The following SORCS3 variants were observed in gnomAD, a reference collection of about 807,000 sequenced individuals.
SORCS3 encodes the protein sortilin related VPS10 domain containing receptor 3, also known as VPS10 domain-containing receptor SorCS3.
SORCS3 carries 57 observed loss-of-function variants against 146.3 expected under a neutral mutation model. The ratio of observed to expected loss-of-function variants is 0.39; its 90% CI spans 0.31 to 0.49. The LOEUF is 0.49. Ranked by LOEUF, SORCS3 falls within the 20% of genes least tolerant of loss-of-function variation. The pLI, the probability that SORCS3 is intolerant of heterozygous loss-of-function variation, is 0.92. For synonymous variants in SORCS3, 653 were observed against 618.5 expected (o/e 1.06, Z -0.83); for missense variants, 1,341 against 1,575.5 (o/e 0.85, Z 2.52).
chr10:104,816,919 A>G (rs548228208), intron 1 of SORCS3, among the ~76,000 whole-genome samples: 1 of 152,282 alleles, frequency 6.6e-6, no homozygotes, highest in South Asian at 2.1e-4. Context: ...AACAGGGAAT[A>G]CAGCTGCTAG....
chr10:105,183,865 G>A lies in SORCS3; in HGVS notation c.2009+5692G>A, dbSNP rs147670782. 5.6e-4 allele frequency among the ~76,000 whole-genome samples: 85 copies of A among 152,286 alleles called. 1 individual carries two copies. The highest frequency in any genetic ancestry group is 2.0e-3 in the African/African-American group (85 of 41,558). On this transcript the variant is annotated intron_variant, in intron 14 of 26. Transcript: ENST00000369701. ...ATTTTGATCAATGGATTGCTGTGTGGGCTCAGGGGGAGGGATGGTGTGGTG... is the reference window on the plus strand; with the variant it reads ...ATTTTGATCAATGGATTGCTGTGTGAGCTCAGGGGGAGGGATGGTGTGGTG...
chr10:104,736,731 G>C (rs2016777607), intron 1 of SORCS3, among the ~76,000 whole-genome samples: 1 of 150,648 alleles, frequency 6.6e-6, no homozygotes, highest in East Asian at 1.9e-4. Context: ...TTCAATCTCA[G>C]AGTCTTTCTT....
chr10:104,888,552 C>CTT (rs112305091), intron 2 of SORCS3, among the ~76,000 whole-genome samples: 2 of 151,842 alleles, frequency 1.3e-5, no homozygotes, highest in Non-Finnish European at 1.5e-5. Context: ...CAGTACTCAC[C>CTT]TTTTTTTTCT....
intron 1 of SORCS3, among the ~76,000 whole-genome samples, chr10:104,664,187 G>A (rs537721623): frequency 1.1e-3 from 165 of 152,288 alleles, no homozygotes; most frequent in Non-Finnish European, 1.8e-3. Flanking sequence ...GCTTGACTAG[G>A]CAGCAGTTCC....
At chr10:104,751,290 A>G (rs1589484929) in intron 1 of SORCS3, among the ~76,000 whole-genome samples, 1 of 152,134 alleles carries the variant, frequency 6.6e-6, no homozygotes, top group South Asian at 2.1e-4. Flanking sequence ...CTCTTATGGG[A>G]GATTAAAAAT....
intron 1 of SORCS3, among the ~76,000 whole-genome samples, chr10:104,779,491 G>A (rs1485312659): frequency 1.3e-5 from 2 of 152,146 alleles, no homozygotes; most frequent in Non-Finnish European, 2.9e-5. Flanking sequence ...AGAAAATGTT[G>A]AGAGTAAGAA....
intron 14 of SORCS3, among the ~76,000 whole-genome samples, chr10:105,186,311 G>A (rs2056476003): frequency 6.6e-6 from 1 of 152,170 alleles, no homozygotes; most frequent in Admixed American, 6.5e-5. Context: ...TAAGATTGAG[G>A]AGGCTTGCAA....
chr10:104,972,597 A>G (rs968111506), intron 3 of SORCS3, among the ~76,000 whole-genome samples: 7 of 152,100 alleles, frequency 4.6e-5, no homozygotes, highest in African/African-American at 1.7e-4. Context: ...TGCTGTGATT[A>G]ACAGTGGCAT....
intron 1 of SORCS3, among the ~76,000 whole-genome samples, chr10:104,715,757 C>T (rs755333001): frequency 1.9e-4 from 29 of 152,196 alleles, no homozygotes; most frequent in Non-Finnish European, 4.0e-4. Context: ...ATCACCTCCA[C>T]TGGTAAAACC....
chr10:105,017,365 G>C (rs2133685894), intron 4 of SORCS3, among the ~76,000 whole-genome samples: 1 of 152,200 alleles, frequency 6.6e-6, no homozygotes, highest in South Asian at 2.1e-4. Context: ...ACTTCCAACT[G>C]GTGCTGACAA....
chr10:105,152,027 T>C (rs535951167), intron 9 of SORCS3, among the ~76,000 whole-genome samples: 2 of 152,198 alleles, frequency 1.3e-5, no homozygotes, highest in Non-Finnish European at 2.9e-5. Context: ...TATTGCAGTG[T>C]CTTCACATCC....
chr10:104,795,065 C>G lies in SORCS3; in HGVS notation c.628-47727C>G, dbSNP rs1487410478. Among the ~76,000 whole-genome samples the G allele has an allele frequency of 2.0e-5, 3 of 152,270 alleles. No individual in the cohort carries two copies. The East Asian group carries it at 5.8e-4, about 29-fold the overall frequency. On this transcript the variant is annotated intron_variant, in intron 1 of 26. Coordinates refer to ENST00000369701, the MANE Select transcript of SORCS3 (RefSeq NM_014978.3). ...CACTTGACAATACTGAAATGACATT[C>G]AAAGACAATGTAACTTTCCTACACA...
At position 104,977,423 on chromosome 10, in the gene SORCS3, T is replaced by C; in HGVS notation, c.884T>C (p.Phe295Ser). The C allele has an allele frequency of 6.2e-7, 1 of 1,613,850 alleles. No homozygotes were observed. The highest frequency in any genetic ancestry group is 8.5e-7 in the Non-Finnish European group (1 of 1,179,888). ...ACCTATCAGAAGTATCGGCTCACCTTCTATATCCAGAGCCTGCTCTTTCAT... is the reference window on the plus strand; with the variant it reads ...ACCTATCAGAAGTATCGGCTCACCTCCTATATCCAGAGCCTGCTCTTTCAT... ...GATYQKYRLTFYIQSLLFHPK... is the reference protein window; with the variant it reads ...GATYQKYRLTSYIQSLLFHPK... The change falls in exon 4 of 27, where the codon TTC (phenylalanine) becomes TCC (serine). Residue 295 changes from phenylalanine (F) to serine (S), a missense_variant. Phe to Ser is a radical substitution (Grantham distance 155). Coordinates refer to ENST00000369701, the MANE Select transcript of SORCS3 (RefSeq NM_014978.3).
At chr10:104,757,702 T>C (rs2017070197) in intron 1 of SORCS3, among the ~76,000 whole-genome samples, 1 of 152,132 alleles carries the variant, frequency 6.6e-6, no homozygotes. Context: ...TTCTCTTCAT[T>C]TTTTTCTCCT....
At chr10:104,690,327 C>T (rs998389433) in intron 1 of SORCS3, among the ~76,000 whole-genome samples, 1 of 152,190 alleles carries the variant, frequency 6.6e-6, no homozygotes, top group African/African-American at 2.4e-5. Context: ...GTGCTCCTCT[C>T]AGGAGTGATG....
At chr10:104,987,280 C>T (rs1455596706) in intron 4 of SORCS3, among the ~76,000 whole-genome samples, 1 of 152,092 alleles carries the variant, frequency 6.6e-6, no homozygotes, top group African/African-American at 2.4e-5. Context: ...TTCCCAAATA[C>T]TAGCTAGGTC....
At chr10:105,096,676 A>G (rs2055748852) in intron 6 of SORCS3, among the ~76,000 whole-genome samples, 1 of 152,126 alleles carries the variant, frequency 6.6e-6, no homozygotes, top group Non-Finnish European at 1.5e-5. Context: ...GATGAATTGG[A>G]TGAGTTTCCA....
At chr10:104,952,224 C>T (rs4918143) in intron 3 of SORCS3, among the ~76,000 whole-genome samples, 18,785 of 133,870 alleles carry the variant, frequency 0.14, 1,412 homozygotes, top group South Asian at 0.32. Flanking sequence ...TAAGCACACT[C>T]TCCAGGTGAT....
At chr10:105,254,963 C>A (rs1469613913) in intron 23 of SORCS3, among the ~76,000 whole-genome samples, 1 of 151,720 alleles carries the variant, frequency 6.6e-6, no homozygotes, top group Non-Finnish European at 1.5e-5. Flanking sequence ...CCGAGGTGGG[C>A]GGATCACGAG....
Sources: allele counts gnomAD v4.1 joint callset (sites outside exome capture counted in the v4.1 genomes callset), GRCh38; gene constraint gnomAD v4.1.1; transcripts MANE v1.5; gene names NCBI Gene and HGNC (gene_info 2026-07-23, HGNC 2026-07-21).